Variants in SERGEF observed in about 807,000 individuals in gnomAD.
The protein encoded by SERGEF is secretion regulating guanine nucleotide exchange factor, also known as secretion-regulating guanine nucleotide exchange factor.
Under a neutral mutation model 50.0 loss-of-function variants are expected in SERGEF, and 51 were observed. That is an observed-to-expected ratio of 1.02 (90% CI 0.81 to 1.29). The LOEUF (loss-of-function observed/expected upper bound fraction) is 1.29. SERGEF is among the 50% of genes most tolerant of loss of function. The pLI is 0.00. For synonymous variants in SERGEF, 205 were observed against 212.4 expected (o/e 0.97, Z 0.30); for missense variants, 521 against 557.0 (o/e 0.94, Z 0.65).
At chr11:17,832,857 G>A (rs192221328) in intron 10 of SERGEF, among the ~76,000 whole-genome samples, 40 of 152,268 alleles carry the variant, frequency 2.6e-4, no homozygotes, top group Admixed American at 6.5e-4. Flanking sequence ...GGTATCTGGC[G>A]GAAGAAATTT....
At chr11:17,870,037 T>C (rs1391658088) in intron 10 of SERGEF, among the ~76,000 whole-genome samples, 1 of 152,144 alleles carries the variant, frequency 6.6e-6, no homozygotes, top group Non-Finnish European at 1.5e-5. Flanking sequence ...CCCCATGCTG[T>C]TCTTGTGATA....
chr11:18,006,770 G>A lies in SERGEF; in HGVS notation c.197-24C>T, dbSNP rs775381938. On this transcript the variant is annotated intron_variant, in intron 2 of 10. Transcript: ENST00000265965. Reference sequence around the variant, plus strand: ...ATCTGCAAAATATAAAGGCATCAGTGATAGCGTGCACAGGAAAAAACACAA... The same window carrying A: ...ATCTGCAAAATATAAAGGCATCAGTAATAGCGTGCACAGGAAAAAACACAA... 5.0e-6 allele frequency: 8 copies of A among 1,612,934 alleles called. No individual in the cohort carries two copies. In the Middle Eastern group the frequency reaches 5.0e-4, roughly 100 times the overall value.
chr11:17,807,873 C>T (rs559462924), intron 10 of SERGEF, among the ~76,000 whole-genome samples: 2 of 152,216 alleles, frequency 1.3e-5, no homozygotes, highest in South Asian at 2.1e-4. Flanking sequence ...TTGCCTCCCC[C>T]AGTCCTGCCC....
chr11:17,868,318 T>A (rs989892974), intron 10 of SERGEF, among the ~76,000 whole-genome samples: 2 of 152,136 alleles, frequency 1.3e-5, no homozygotes, highest in Non-Finnish European at 2.9e-5. Flanking sequence ...TCCACAAATC[T>A]CTAGGGCAGA....
At position 17,959,531 on chromosome 11, in the gene SERGEF, G is replaced by A. The variant is rs772411871; in HGVS notation, c.950C>T (p.Pro317Leu). 3 of 1,613,958 alleles carry A rather than the reference G, an allele frequency of 1.9e-6. No homozygotes were observed. Among genetic ancestry groups the A allele is most frequent in the South Asian group, 2.2e-5 (2 of 91,058 alleles). ...WKLEKQDSFL[P>L]CSRPPNSMPS... ...CATGCTGTTCGGTGGTCTTGAACAG[G>A]GGAGAAATGAATCTTGCTTTTCTAG... Residue 317 changes from proline to leucine, a missense_variant, in exon 9 of 11, where the codon CCC (proline) becomes CTC (leucine). Physicochemically the swap from Pro to Leu is moderately conservative, Grantham distance 98. Transcript: ENST00000265965.
In SERGEF at chr11:17,878,249, A is replaced by T. The variant is rs1457981297; in HGVS notation, c.1012-5T>A. The T allele has an allele frequency of 6.0e-5, 16 of 265,592 alleles. No homozygotes were observed. The highest frequency in any genetic ancestry group is 1.1e-4 in the African/African-American group (2 of 18,530). 16.5% of individuals were successfully genotyped at this position (265,592 alleles called of 1,614,324 possible). A position where few individuals can be genotyped will look rare whatever the true frequency, so the allele number is the denominator to read the frequency against. ...ATGCTCTGAGCCACAAGAGACCTGT[A>T]AAAAAAAAAAAAGACAAAGAAAATG... On this transcript the variant is annotated splice_polypyrimidine_tract_variant and splice_region_variant and intron_variant, in intron 9 of 10. Transcript: ENST00000265965.
chr11:17,940,068 C>T (rs1373488680), intron 9 of SERGEF, among the ~76,000 whole-genome samples: 3 of 151,958 alleles, frequency 2.0e-5, no homozygotes, highest in Non-Finnish European at 4.4e-5. Context: ...TACTATCTAG[C>T]CTGGTTCCTC....
At chr11:17,971,279 A>T (rs1266749334) in intron 8 of SERGEF, among the ~76,000 whole-genome samples, 1 of 152,226 alleles carries the variant, frequency 6.6e-6, no homozygotes, top group Non-Finnish European at 1.5e-5. Context: ...AAGCTGTAGC[A>T]AGTTATCCAG....
In SERGEF at chr11:17,959,594, T is replaced by A. The variant is rs748908205; in HGVS notation, c.887A>T (p.Gln296Leu). The change falls in exon 9 of 11, where the codon CAG becomes CTG. Residue 296 changes from glutamine to leucine, a missense_variant. Gln to Leu is a moderately radical substitution (Grantham distance 113, BLOSUM62 -2). Transcript: ENST00000265965. ...MFTWGRADYGQLGRKLETYEG... is the reference protein window; with the variant it reads ...MFTWGRADYGLLGRKLETYEG... ...ATAAGTCTCCAACTTCCTCCCTAGC[T>A]GACCATAGTCTGCTCGGCCCCAGGT... 1.9e-6 allele frequency: 3 copies of A among 1,614,038 alleles called. No homozygotes were observed. Among genetic ancestry groups the A allele is most frequent in the South Asian group, 1.1e-5 (1 of 91,060 alleles).
intron 10 of SERGEF, among the ~76,000 whole-genome samples, chr11:17,822,811 G>A (rs970040272): frequency 3.3e-5 from 5 of 152,166 alleles, no homozygotes; most frequent in Non-Finnish European, 5.9e-5. Context: ...TCAGTGAGGA[G>A]GAGCACAGAG....
intron 9 of SERGEF, among the ~76,000 whole-genome samples, chr11:17,934,972 A>T (rs1161356688): frequency 6.6e-6 from 1 of 152,124 alleles, no homozygotes; most frequent in Non-Finnish European, 1.5e-5. Flanking sequence ...ATTTTCTCAA[A>T]CTAAGTCCTA....
chr11:17,931,034 C>T (rs1472756486), intron 9 of SERGEF, among the ~76,000 whole-genome samples: 2 of 152,186 alleles, frequency 1.3e-5, no homozygotes, highest in South Asian at 2.1e-4. Context: ...CAATTCAGCA[C>T]TGCACCTGTT....
intron 5 of SERGEF, among the ~76,000 whole-genome samples, chr11:17,996,767 A>G (rs936442834): frequency 1.3e-5 from 2 of 152,220 alleles, no homozygotes; most frequent in African/African-American, 2.4e-5. Context: ...AGCAAAGCAC[A>G]GTGTTGAAAT....
chr11:17,898,517 GCATCTTGGACAAAGTAGATGCT>G (rs1163267369), intron 9 of SERGEF, among the ~76,000 whole-genome samples: 3 of 152,158 alleles, frequency 2.0e-5, no homozygotes, highest in Admixed American at 2.0e-4. Flanking sequence ...CTATTATTTA[GCATCTTGGACAAAGTAGATGCT>G]TACATGATGG....
chr11:17,980,480 T>C (rs1251457111), intron 8 of SERGEF, among the ~76,000 whole-genome samples: 1 of 152,244 alleles, frequency 6.6e-6, no homozygotes, highest in Non-Finnish European at 1.5e-5. Context: ...ATAGTATTTA[T>C]AGGAGCTATA....
chr11:17,906,550 G>A (rs1023679073), intron 9 of SERGEF, among the ~76,000 whole-genome samples: 2 of 152,160 alleles, frequency 1.3e-5, no homozygotes, highest in Non-Finnish European at 2.9e-5. Flanking sequence ...TCAGGCTCTA[G>A]GAGACAGTGC....
At chr11:17,926,890 G>A (rs925948830) in intron 9 of SERGEF, 1 of 455,812 alleles carries the variant, frequency 2.2e-6, no homozygotes, top group Non-Finnish European at 4.4e-6. Flanking sequence ...AGAATGAAAA[G>A]GTTACCCACT....
At chr11:17,833,299 T>A (rs887735180) in intron 10 of SERGEF, among the ~76,000 whole-genome samples, 1 of 152,134 alleles carries the variant, frequency 6.6e-6, no homozygotes, top group African/African-American at 2.4e-5. Flanking sequence ...AGCTTCCACA[T>A]GGTGTTGAGC....
chr11:17,996,622 T>C (rs1446743499), intron 5 of SERGEF, among the ~76,000 whole-genome samples: 2 of 152,220 alleles, frequency 1.3e-5, no homozygotes, highest in Non-Finnish European at 2.9e-5. Context: ...TGTGTGAAAC[T>C]AGGATCCATC....
Sources: allele counts gnomAD v4.1 joint callset (sites outside exome capture counted in the v4.1 genomes callset), GRCh38; gene constraint gnomAD v4.1.1; transcripts MANE v1.5; gene names NCBI Gene and HGNC (gene_info 2026-07-23, HGNC 2026-07-21).